Variants in OTOGL observed in about 807,000 individuals in gnomAD.
The protein encoded by OTOGL is otogelin-like protein.
In OTOGL, 285 loss-of-function variants were observed where a neutral mutation model predicts 318.5. That is an observed-to-expected ratio of 0.89 (90% CI 0.81 to 0.99). The LOEUF (loss-of-function observed/expected upper bound fraction) is 0.99. Ranked by LOEUF, OTOGL falls within the 50% of genes least tolerant of loss-of-function variation. The probability of loss-of-function intolerance (pLI) is 0.00; values close to 1 mark genes in which losing one functional copy is unlikely to be tolerated. For missense variants in OTOGL, 2,899 were observed against 2,845.6 expected (o/e 1.02, Z -0.43); for synonymous variants, 987 against 936.5 (o/e 1.05, Z -0.99).
chr12:80,353,500 G>T lies in OTOGL; in HGVS notation c.5583G>T (p.Glu1861Asp). 6.4e-7 allele frequency: 1 copy of T among 1,564,684 alleles called. No individual in the cohort carries two copies. ...CACATTCAGCCCAGTGCATTCCAGA[G>T]AAAGAGTGTGGTAAGACACAAAGTA... ...HRPHSAQCIP[E>D]KECACTDSED... Residue 1861 changes from glutamate to aspartate, a missense_variant, in exon 46 of 59, where the codon GAG becomes GAT. By Grantham distance (45) the Glu-to-Asp change is conservative (BLOSUM62 2). This residue lies in a region of OTOGL where 2,607 missense variants were observed against 2,524.9 expected (regional missense o/e 1.03). Coordinates refer to ENST00000547103, the MANE Select transcript of OTOGL (RefSeq NM_001378609.3).
intron 22 of OTOGL, among the ~76,000 whole-genome samples, chr12:80,268,310 C>T (rs1352344255): frequency 2.0e-5 from 3 of 151,584 alleles, no homozygotes; most frequent in Non-Finnish European, 4.4e-5. Flanking sequence ...AATACTTACT[C>T]ATCACCATAA....
chr12:80,114,579 C>A lies in OTOGL; in HGVS notation c.-20+14974C>A, dbSNP rs192216695. Among the ~76,000 whole-genome samples the A allele has an allele frequency of 1.1e-3, 163 of 152,212 alleles. 1 individual carries two copies. Among genetic ancestry groups the A allele is most frequent in the African/African-American group, 3.5e-3 (147 of 41,552 alleles). ...ACCATTTCAACCTTGGTGAATCTGA[C>A]AATTATGTGTCCTGGGGTTGCTCTT... On this transcript the variant is annotated intron_variant, in intron 1 of 58. Transcript: ENST00000547103.
At chr12:80,315,879 T>C (rs1351330472) in intron 32 of OTOGL, among the ~76,000 whole-genome samples, 1 of 152,136 alleles carries the variant, frequency 6.6e-6, no homozygotes, top group Non-Finnish European at 1.5e-5. Context: ...CACACGTGCA[T>C]GCATACACGC....
intron 14 of OTOGL, among the ~76,000 whole-genome samples, chr12:80,253,802 A>G (rs561822041): frequency 1.3e-5 from 2 of 152,188 alleles, no homozygotes; most frequent in African/African-American, 4.8e-5. Context: ...TATCCACATA[A>G]TGAGTCTGTT....
At chr12:80,296,621 A>T (rs1885415373) in intron 26 of OTOGL, among the ~76,000 whole-genome samples, 1 of 152,200 alleles carries the variant, frequency 6.6e-6, no homozygotes, top group Non-Finnish European at 1.5e-5. Flanking sequence ...AACAGATATT[A>T]TAGGTGTTTA....
At chr12:80,175,930 T>C (rs1874496238) in intron 1 of OTOGL, among the ~76,000 whole-genome samples, 1 of 152,194 alleles carries the variant, frequency 6.6e-6, no homozygotes, top group Non-Finnish European at 1.5e-5. Flanking sequence ...AAGCTATTAG[T>C]GATGCACAGA....
At chr12:80,358,396 T>G (rs1890039599) in intron 50 of OTOGL, 47 bp downstream of exon 50, 1 of 1,422,640 alleles carries the variant, frequency 7.0e-7, no homozygotes, top group African/African-American at 1.4e-5. Context: ...TGTCCAATGT[T>G]TAAGAAGCCC....
At chr12:80,349,744 T>C (rs1486343011) in intron 44 of OTOGL, among the ~76,000 whole-genome samples, 2 of 152,110 alleles carry the variant, frequency 1.3e-5, no homozygotes, top group African/African-American at 4.8e-5. Flanking sequence ...CCCAAAGACA[T>C]TGAAAAGAAA....
rs201328043 is a variant in OTOGL, at chr12:80,318,653, C to G, written c.3742C>G (p.His1248Asp). The G allele has an allele frequency of 1.1e-4, 164 of 1,452,468 alleles. No homozygotes were observed. In the African/African-American group the frequency reaches 2.0e-3, roughly 18 times the overall value. 90.0% of individuals were successfully genotyped at this position (1,452,468 alleles called of 1,614,324 possible). A position where few individuals can be genotyped will look rare whatever the true frequency, so the allele number is the denominator to read the frequency against. Residue 1248 changes from histidine to aspartate, a missense_variant, in exon 33 of 59, where the codon CAT (histidine) becomes GAT (aspartate). Coordinates refer to ENST00000547103, the MANE Select transcript of OTOGL (RefSeq NM_001378609.3). ...TTTCTGTTTGCCGAGAAGCAGTGTT[C>G]ATACCAGTTTATTTTTTTATTTTAT... is the stretch of plus-strand genomic sequence containing the variant. ...SVFCLPRSSVHTSLFFYFMIT... is the reference protein window; with the variant it reads ...SVFCLPRSSVDTSLFFYFMIT...
chr12:80,227,809 T>C (rs1879001882), intron 7 of OTOGL, among the ~76,000 whole-genome samples: 1 of 152,172 alleles, frequency 6.6e-6, no homozygotes, highest in Non-Finnish European at 1.5e-5. Flanking sequence ...TCACGCTCCA[T>C]CTTTACTAGA....
chr12:80,293,657 CTTT>C (rs199604914), intron 26 of OTOGL, among the ~76,000 whole-genome samples: 1 of 145,158 alleles, frequency 6.9e-6, no homozygotes, highest in Admixed American at 6.9e-5. Flanking sequence ...ATATGTTCAG[CTTT>C]TTTTTTTTTA....
intron 1 of OTOGL, among the ~76,000 whole-genome samples, chr12:80,100,342 CA>C (rs1273141859): frequency 6.6e-6 from 1 of 152,072 alleles, no homozygotes; most frequent in Non-Finnish European, 1.5e-5. Flanking sequence ...CTAACAACAA[CA>C]AAAATATGAT....
chr12:80,186,264 C>G (rs191550491), intron 1 of OTOGL, among the ~76,000 whole-genome samples: 2 of 152,170 alleles, frequency 1.3e-5, no homozygotes, highest in African/African-American at 2.4e-5. Flanking sequence ...ATGTGAAACT[C>G]TGGGTTTATC....
intron 1 of OTOGL, among the ~76,000 whole-genome samples, chr12:80,191,393 G>A (rs11114349): frequency 0.15 from 23,507 of 152,152 alleles, 2,179 homozygotes; most frequent in East Asian, 0.23. Flanking sequence ...AGCCAAGATC[G>A]TGCCACTGCA....
chr12:80,305,915 C>T (rs1886081324), intron 29 of OTOGL, among the ~76,000 whole-genome samples: 1 of 152,054 alleles, frequency 6.6e-6, no homozygotes, highest in Admixed American at 6.6e-5. Context: ...AATTGAGGCT[C>T]AGGGAGGTTA....
At position 80,099,614 on chromosome 12, in the gene OTOGL, T is replaced by G. The variant is rs1238954204; in HGVS notation, c.-20+9T>G. The G allele has an allele frequency of 6.6e-6, 1 of 152,160 alleles. No individual in the cohort carries two copies. The highest frequency in any genetic ancestry group is 1.5e-5 in the Non-Finnish European group (1 of 68,028). 9.4% of individuals were successfully genotyped at this position (152,160 alleles called of 1,614,324 possible). ...TAGCCAGTGCTTCCCTGGTAAGTTT[T>G]GGGGGATGGAAGTGGCAGCAGTCAT... On this transcript the variant is annotated intron_variant, in intron 1 of 58. Coordinates refer to ENST00000547103, the MANE Select transcript of OTOGL (RefSeq NM_001378609.3).
At chr12:80,238,741 A>G in intron 9 of OTOGL, 110 bp from the exon 10 acceptor site, 2 of 1,200,184 alleles carry the variant, frequency 1.7e-6, no homozygotes, top group Non-Finnish European at 2.1e-6. Context: ...AATGTTACTG[A>G]GTTTAATGTT....
At chr12:80,196,299 C>T (rs1284507607) in intron 1 of OTOGL, among the ~76,000 whole-genome samples, 1 of 152,214 alleles carries the variant, frequency 6.6e-6, no homozygotes, top group Non-Finnish European at 1.5e-5. Flanking sequence ...ATCCTATCTA[C>T]AGCCTTTCAA....
At chr12:80,169,553 A>AT (rs1329675192) in intron 1 of OTOGL, among the ~76,000 whole-genome samples, 5 of 152,086 alleles carry the variant, frequency 3.3e-5, no homozygotes, top group Admixed American at 6.6e-5. Flanking sequence ...GTGTGACACA[A>AT]TTTTTTTTGC....
Sources: gnomAD v4.1 joint callset for allele counts (sites outside exome capture counted in the v4.1 genomes callset) on GRCh38, gnomAD v4.1.1 for gene constraint, gnomAD v4.1.1 regional missense constraint, MANE v1.5 for transcripts, NCBI Gene and HGNC (gene_info 2026-07-23, HGNC 2026-07-21) for gene names.